TNXB: variants seen among roughly 807,000 people sequenced by gnomAD.
TNXB encodes tenascin XB.
TNXB carries 183 observed loss-of-function variants against 340.5 expected under a neutral mutation model. That is an observed-to-expected ratio of 0.54 (90% CI 0.48 to 0.61). TNXB has a LOEUF of 0.61. TNXB is among the 20% of genes least tolerant of loss of function. The pLI is 0.00. For synonymous variants in TNXB, 2,121 were observed against 2,314.5 expected, an observed-to-expected ratio of 0.92 and a Z score of 2.40; for missense variants, 4,613 against 5,446.4, an observed-to-expected ratio of 0.85 and a Z score of 4.82.
In TNXB at chr6:32,096,656, G is replaced by T; in HGVS notation, c.1197C>A (p.Cys399Ter). The T allele has an allele frequency of 6.5e-7, 1 of 1,549,476 alleles. No individual in the cohort carries two copies. Residue 399 changes from cysteine to a stop codon, truncating the protein, a stop_gained, in exon 3 of 44, where the codon TGC becomes TGA. Coordinates refer to ENST00000644971, the MANE Select transcript of TNXB (RefSeq NM_001365276.2). LOFTEE classifies it high-confidence loss of function. ...ICDTGYSGDD[C>*]GVRSCPGDCN... is the part of the protein sequence containing the mutation. Reference sequence around the variant, plus strand: ...AGTCGCCAGGGCAGCTGCGCACGCCGCAGTCGTCCCCGCTGTAGCCCGTGT... The same window carrying T: ...AGTCGCCAGGGCAGCTGCGCACGCCTCAGTCGTCCCCGCTGTAGCCCGTGT...
intron 22 of TNXB, among the ~76,000 whole-genome samples, chr6:32,057,754 G>A (rs1005774055): frequency 1.6e-4 from 24 of 152,186 alleles, no homozygotes; most frequent in African/African-American, 5.8e-4. Flanking sequence ...CTCTAAAGCT[G>A]TCACCAAGCT....
Position 32,096,585 on chromosome 6 carries a change from G to C in TNXB, c.1268C>G (p.Pro423Arg). Reference protein sequence around the residue: ...RCEDGRCVCWPGYTGTDCGSR... With the variant: ...RCEDGRCVCWRGYTGTDCGSR... Reference sequence around the variant, plus strand: ...GCCGCAATCGGTTCCAGTGTACCCCGGCCAGCACACGCAGCGGCCGTCCTC... The same window carrying C: ...GCCGCAATCGGTTCCAGTGTACCCCCGCCAGCACACGCAGCGGCCGTCCTC... Residue 423 changes from proline to arginine, a missense_variant, in exon 3 of 44, where the codon CCG (proline) becomes CGG (arginine). Transcript: ENST00000644971. The C allele has an allele frequency of 6.3e-7, 1 of 1,592,672 alleles. No individual in the cohort carries two copies. Among genetic ancestry groups the C allele is most frequent in the Non-Finnish European group, 8.5e-7 (1 of 1,173,094 alleles).
chr6:32,061,837 C>T lies in TNXB; in HGVS notation c.7169-117G>A. 2 of 1,388,092 alleles carry T rather than the reference C, an allele frequency of 1.4e-6. No individual in the cohort carries two copies. Among genetic ancestry groups the T allele is most frequent in the South Asian group, 2.8e-5 (2 of 70,968 alleles). The allele number at this position is 1,388,092 out of a possible 1,614,324, so 86.0% of individuals were successfully genotyped here. A position where few individuals can be genotyped will look rare whatever the true frequency, so the allele number is the denominator to read the frequency against. On this transcript the variant is annotated intron_variant, in intron 20 of 43. Coordinates refer to ENST00000644971, the MANE Select transcript of TNXB (RefSeq NM_001365276.2). This position sits in a 1 kb window ranked among gnomAD's most constrained non-coding sequence, Gnocchi z 4.4. Reference sequence around the variant, plus strand: ...ACATATGAAATAGCCAAGGCTATGACTAGGGGACCTGAGGTCAGTTCAGAG... The same window carrying T: ...ACATATGAAATAGCCAAGGCTATGATTAGGGGACCTGAGGTCAGTTCAGAG...
chr6:32,106,514 C>T (rs558802567), intron 1 of TNXB, among the ~76,000 whole-genome samples: 97 of 152,232 alleles, frequency 6.4e-4, no homozygotes, highest in African/African-American at 2.3e-3. Context: ...CCACCCAACA[C>T]GCACACATCT....
rs753990150 is a variant in TNXB at position 32,043,750 on chromosome 6, C to T, written c.11529G>A (p.Thr3843=). ...ESEPLTGFLT[T]VPDGPTQLRA... Reference sequence around the variant, plus strand: ...GCCCCGGGTCCCAGTCCATCTCACCCGTGGTGAGGAAGCCTGTGAGAGGCT... The same window carrying T: ...GCCCCGGGTCCCAGTCCATCTCACCTGTGGTGAGGAAGCCTGTGAGAGGCT... The change falls in exon 35 of 44, where the codon ACG becomes ACA. Residue 3843 remains threonine (T), a splice_region_variant and synonymous_variant. Coordinates refer to ENST00000644971, the MANE Select transcript of TNXB (RefSeq NM_001365276.2). The T allele has an allele frequency of 5.6e-5, 90 of 1,613,410 alleles. No homozygotes were observed. Among genetic ancestry groups the T allele is most frequent in the Admixed American group, 6.7e-5 (4 of 60,010 alleles).
rs559096425 is a variant in TNXB, at chr6:32,095,988, G to C, written c.1865C>G (p.Pro622Arg). Residue 622 changes from proline (P) to arginine (R), a missense_variant, in exon 3 of 44, where the codon CCC (proline) becomes CGC (arginine). Pro to Arg is a moderately radical substitution (Grantham distance 103, BLOSUM62 -2). Transcript: ENST00000644971. Reference protein sequence around the residue: ...VSEDCSIRTCPSNCHGRGRCE... With the variant: ...VSEDCSIRTCRSNCHGRGRCE... ...GCGGCCCCTCCCGTGGCAGTTGGAG[G>C]GGCAGGTGCGGATGCTGCAGTCCTC... is the stretch of plus-strand genomic sequence containing the variant. 1 of 1,612,990 alleles carries C rather than the reference G, an allele frequency of 6.2e-7. No individual in the cohort carries two copies. Among genetic ancestry groups the C allele is most frequent in the African/African-American group, 1.3e-5 (1 of 75,046 alleles).
chr6:32,066,079 T>C (rs777767097), intron 18 of TNXB, among the ~76,000 whole-genome samples: 5 of 152,184 alleles, frequency 3.3e-5, no homozygotes, highest in Non-Finnish European at 5.9e-5. Context: ...AATGCAATAC[T>C]GTTTGGCAAT....
Position 32,079,088 on chromosome 6 carries a change from C to T in TNXB, c.4320G>A (p.Leu1440=), listed in dbSNP as rs751163251. ...LEPGHKYKMH[L]YGLHEGQRVG... ...CGCGCTGCCCCTCGTGGAGGCCGTA[C>T]AGGTGCATCTTGTACTTGTGCCCGG... Residue 1440 remains leucine (L), a synonymous_variant, in exon 11 of 44, where the codon CTG becomes CTA. Transcript: ENST00000644971. This position sits in a 1 kb window ranked among gnomAD's most constrained non-coding sequence, Gnocchi z 7.1. 3.8e-5 allele frequency: 62 copies of T among 1,613,730 alleles called. No individual in the cohort carries two copies. In the East Asian group the frequency reaches 1.4e-3, roughly 35 times the overall value.
chr6:32,094,832 G>C (rs765152136), intron 4 of TNXB, among the ~76,000 whole-genome samples: 1 of 152,192 alleles, frequency 6.6e-6, no homozygotes, highest in Non-Finnish European at 1.5e-5. Flanking sequence ...GGACTGGACA[G>C]CCTCAGGAAG....
At position 32,061,162 on chromosome 6, in the gene TNXB, T is replaced by C. The variant is rs958647663; in HGVS notation, c.7492+235A>G. On this transcript the variant is annotated intron_variant, in intron 21 of 43. Coordinates refer to ENST00000644971, the MANE Select transcript of TNXB (RefSeq NM_001365276.2). The surrounding 1 kb of genome is among the most constrained non-coding windows in gnomAD (Gnocchi z 4.4). The stretch of plus-strand genomic sequence containing the variant: ...AAGGAAAATTCTCGTAAGTCAGGCT[T>C]GGTGTGCGCCTGACATATTTCACTC... 1.3e-5 allele frequency among the ~76,000 whole-genome samples: 2 copies of C among 151,860 alleles called. No homozygotes were observed. Among genetic ancestry groups the C allele is most frequent in the Non-Finnish European group, 2.9e-5 (2 of 68,024 alleles).
chr6:32,067,660 C>T lies in TNXB; in HGVS notation c.6544+1G>A. ...CAGAGGGCTCTGCAGTGCACACTCACCCGTGACGCCCACAGCAGACACTGG... is the reference window on the plus strand; with the variant it reads ...CAGAGGGCTCTGCAGTGCACACTCATCCGTGACGCCCACAGCAGACACTGG... On this transcript the variant is annotated splice_donor_variant, in intron 18 of 43. Transcript: ENST00000644971. LOFTEE classifies it high-confidence loss of function. This position sits in a 1 kb window ranked among gnomAD's most constrained non-coding sequence, Gnocchi z 4.2. 7 of 1,612,830 alleles carry T rather than the reference C, an allele frequency of 4.3e-6. No homozygotes were observed. Among genetic ancestry groups the T allele is most frequent in the Non-Finnish European group, 5.9e-6 (7 of 1,179,242 alleles).
In TNXB at chr6:32,067,222, G is replaced by T. The variant is rs1778427661; in HGVS notation, c.6544+439C>A. ...GATTCTAGTGGAGGAAGTGGGTGGG[G>T]CAGAGATGAGCCAGACTGGCCAGAA... On this transcript the variant is annotated intron_variant, in intron 18 of 43. Transcript: ENST00000644971. The surrounding 1 kb of genome is among the most constrained non-coding windows in gnomAD (Gnocchi z 4.2). Among the ~76,000 whole-genome samples, 1 of 151,878 alleles carries T rather than the reference G, an allele frequency of 6.6e-6. No individual in the cohort carries two copies. Among genetic ancestry groups the T allele is most frequent in the South Asian group, 2.1e-4 (1 of 4,792 alleles).
chr6:32,043,721 T>A (rs1230224909), intron 35 of TNXB, 28 bp downstream of exon 35: 1 of 1,613,320 alleles, frequency 6.2e-7, no homozygotes. Flanking sequence ...GGCTCCCACC[T>A]CTTGCCCCGG....
At chr6:32,106,586 C>G (rs1780991805) in intron 1 of TNXB, among the ~76,000 whole-genome samples, 1 of 152,172 alleles carries the variant, frequency 6.6e-6, no homozygotes, top group Non-Finnish European at 1.5e-5. Flanking sequence ...TTGGGGCTAC[C>G]AGCCATCACA....
chr6:32,089,302 A>AG lies in TNXB; in HGVS notation c.2435dup (p.Gly813TrpfsTer54). On this transcript the variant is annotated frameshift_variant, in exon 5 of 44. Coordinates refer to ENST00000644971, the MANE Select transcript of TNXB (RefSeq NM_001365276.2). LOFTEE classifies it high-confidence loss of function. The surrounding 1 kb of genome is among the most constrained non-coding windows in gnomAD (Gnocchi z 6.2). ...GGACAGTGACCTGGTACTCCTGTCC[A>AG]GGGGCCAGTCCTCTCTGGTCATAGG... 6.2e-7 allele frequency: 1 copy of AG among 1,608,230 alleles called. No homozygotes were observed. The highest frequency in any genetic ancestry group is 8.5e-7 in the Non-Finnish European group (1 of 1,178,294).
Position 32,067,544 on chromosome 6 carries a change from G to C in TNXB, c.6544+117C>G, listed in dbSNP as rs1048427723. 1.7e-5 allele frequency: 23 copies of C among 1,342,442 alleles called. No homozygotes were observed. Among genetic ancestry groups the C allele is most frequent in the Non-Finnish European group, 2.2e-5 (22 of 1,008,014 alleles). The allele number at this position is 1,342,442 out of a possible 1,614,324, so 83.2% of individuals were successfully genotyped here. A position where few individuals can be genotyped will look rare whatever the true frequency, so the allele number is the denominator to read the frequency against. On this transcript the variant is annotated intron_variant, in intron 18 of 43. Coordinates refer to ENST00000644971, the MANE Select transcript of TNXB (RefSeq NM_001365276.2). The surrounding 1 kb of genome is among the most constrained non-coding windows in gnomAD (Gnocchi z 4.2). ...AGATCACACCTGTCCTGAGCCTTTA[G>C]TGAACAGGGTGTATTACAGGTTTGA...
At chr6:32,059,031 G>A (rs12198173) in intron 21 of TNXB, among the ~76,000 whole-genome samples, 15,488 of 151,826 alleles carry the variant, frequency 0.1, 1,067 homozygotes, top group African/African-American at 0.16. Flanking sequence ...GGCAGCTGGG[G>A]GAGAAAGTAG....
At position 32,061,028 on chromosome 6, in the gene TNXB, T is replaced by G. The variant is rs1562812329; in HGVS notation, c.7492+369A>C. Among the ~76,000 whole-genome samples the G allele has an allele frequency of 6.6e-6, 1 of 152,014 alleles. No homozygotes were observed. The highest frequency in any genetic ancestry group is 2.4e-5 in the African/African-American group (1 of 41,228). Reference sequence around the variant, plus strand: ...GGCATAATAGCTCTTTTTATAGATGTTGCCTAAATTATTTAGTCATCCCAA... The same window carrying G: ...GGCATAATAGCTCTTTTTATAGATGGTGCCTAAATTATTTAGTCATCCCAA... On this transcript the variant is annotated intron_variant, in intron 21 of 43. Transcript: ENST00000644971. The surrounding 1 kb of genome is among the most constrained non-coding windows in gnomAD (Gnocchi z 4.4).
rs1435826170 is a variant in TNXB, at chr6:32,070,433, T to C, written c.4991-19A>G. 1.3e-6 allele frequency: 2 copies of C among 1,554,608 alleles called. No individual in the cohort carries two copies. The highest frequency in any genetic ancestry group is 4.6e-5 in the East Asian group (2 of 43,880). On this transcript the variant is annotated intron_variant, in intron 13 of 43. Transcript: ENST00000644971. This position sits in a 1 kb window ranked among gnomAD's most constrained non-coding sequence, Gnocchi z 6.0. ...CGGGCAACTGGAGAGGAAAGGTTCTTGTGTTTATTTTTTCCAAAACGACTC... is the reference window on the plus strand; with the variant it reads ...CGGGCAACTGGAGAGGAAAGGTTCTCGTGTTTATTTTTTCCAAAACGACTC...
Sources: allele counts gnomAD v4.1 joint callset (sites outside exome capture counted in the v4.1 genomes callset), GRCh38; gene constraint gnomAD v4.1.1; non-coding constraint Gnocchi (gnomAD v3.1); transcripts MANE v1.5; gene names NCBI Gene and HGNC (gene_info 2026-07-23, HGNC 2026-07-21).